Variants in CNTNAP5 observed in about 807,000 individuals in gnomAD.
The protein encoded by CNTNAP5 is contactin associated protein family member 5.
In CNTNAP5, 72 loss-of-function variants were observed where a neutral mutation model predicts 150.2. The ratio of observed to expected loss-of-function variants is 0.48; its 90% CI spans 0.40 to 0.58. CNTNAP5 has a LOEUF of 0.58. Among genes scored for constraint, CNTNAP5 ranks in the 20% least tolerant of loss-of-function variants. The pLI is 0.00. For missense variants in CNTNAP5, 1,636 were observed against 1,626.2 expected, an observed-to-expected ratio of 1.01 and a Z score of -0.10; for synonymous variants, 672 against 619.8, an observed-to-expected ratio of 1.08 and a Z score of -1.25.
At chr2:124,785,896 G>A (rs1369768727) in intron 17 of CNTNAP5, among the ~76,000 whole-genome samples, 30 of 152,164 alleles carry the variant, frequency 2.0e-4, no homozygotes. Context: ...CAGGGATTCA[G>A]GTTAGGGTGA....
intron 13 of CNTNAP5, 78 bp downstream of exon 13, chr2:124,648,036 C>G: frequency 1.5e-6 from 2 of 1,359,958 alleles, no homozygotes; most frequent in South Asian, 2.7e-5. Flanking sequence ...GGAAAATTTG[C>G]CAAGAAGGGG....
chr2:124,362,431 C>T (rs1216719383), intron 3 of CNTNAP5, among the ~76,000 whole-genome samples: 1 of 152,220 alleles, frequency 6.6e-6, no homozygotes, highest in African/African-American at 2.4e-5. Context: ...AATCCTATCT[C>T]ACTGTCTAGC....
chr2:124,566,145 C>G lies in CNTNAP5; in HGVS notation c.1756+2822C>G, dbSNP rs189150771. Among the ~76,000 whole-genome samples, 347 of 152,216 alleles carry G rather than the reference C, an allele frequency of 2.3e-3. 1 individual carries two copies. The highest frequency in any genetic ancestry group is 6.0e-3 in the African/African-American group (249 of 41,538). ...CTATAGAGAAATGTTGCAGGACCCC[C>G]ATAAGGCTGTCCAGATTGTAACGTC... On this transcript the variant is annotated intron_variant, in intron 11 of 23. Coordinates refer to ENST00000682447, the MANE Select transcript of CNTNAP5 (RefSeq NM_001367498.1).
intron 13 of CNTNAP5, among the ~76,000 whole-genome samples, chr2:124,669,292 C>T (rs189449959): frequency 2.0e-5 from 3 of 152,208 alleles, no homozygotes; most frequent in East Asian, 1.9e-4. Context: ...GCTCTACAGC[C>T]GCCAAATCCC....
chr2:124,028,728 G>A (rs1279143805), intron 1 of CNTNAP5, among the ~76,000 whole-genome samples: 13 of 152,054 alleles, frequency 8.5e-5, no homozygotes, highest in Admixed American at 7.2e-4. Flanking sequence ...AGTGAAACTG[G>A]GAGTTAGAAG....
At chr2:124,906,304 C>T (rs1678535950) in intron 22 of CNTNAP5, among the ~76,000 whole-genome samples, 1 of 151,982 alleles carries the variant, frequency 6.6e-6, no homozygotes, top group South Asian at 2.1e-4. Context: ...TCAGATTTTG[C>T]TGCTAATATT....
intron 5 of CNTNAP5, among the ~76,000 whole-genome samples, chr2:124,445,102 T>TC (rs1692780756): frequency 6.7e-6 from 1 of 150,216 alleles, no homozygotes; most frequent in Non-Finnish European, 1.5e-5. Context: ...TTTTTTTTTT[T>TC]AGATGAAGTT....
chr2:124,701,427 T>C (rs1010797683), intron 13 of CNTNAP5, among the ~76,000 whole-genome samples: 4 of 152,172 alleles, frequency 2.6e-5, no homozygotes, highest in Non-Finnish European at 4.4e-5. Context: ...ATGCCTTCAA[T>C]GATGGATGCT....
At chr2:124,879,260 G>T (rs1235734575) in intron 21 of CNTNAP5, among the ~76,000 whole-genome samples, 2 of 152,064 alleles carry the variant, frequency 1.3e-5, no homozygotes, top group Non-Finnish European at 2.9e-5. Flanking sequence ...CCCTGCTACT[G>T]TATTGGCAGA....
At chr2:124,843,976 A>G (rs1682996437) in intron 19 of CNTNAP5, among the ~76,000 whole-genome samples, 1 of 151,946 alleles carries the variant, frequency 6.6e-6, no homozygotes, top group African/African-American at 2.4e-5. Flanking sequence ...TCTGCTGATT[A>G]TTTCTTTTGC....
chr2:124,361,972 G>A (rs538697079), intron 3 of CNTNAP5, among the ~76,000 whole-genome samples: 38 of 152,248 alleles, frequency 2.5e-4, no homozygotes, highest in African/African-American at 8.2e-4. Context: ...CTTCGTGGGC[G>A]TAGGACCCTC....
intron 11 of CNTNAP5, among the ~76,000 whole-genome samples, chr2:124,589,547 T>C (rs2104958445): frequency 6.6e-6 from 1 of 152,314 alleles, no homozygotes; most frequent in Middle Eastern, 3.4e-3. Flanking sequence ...CAAGTGAGAT[T>C]GCTGACTTAA....
chr2:124,845,084 T>TC (rs1683021383), intron 19 of CNTNAP5, among the ~76,000 whole-genome samples: 1 of 152,156 alleles, frequency 6.6e-6, no homozygotes, highest in Admixed American at 6.5e-5. Context: ...TTTCAATTTT[T>TC]CCTCATTCAT....
At chr2:124,736,022 G>C (rs1680375236) in intron 13 of CNTNAP5, among the ~76,000 whole-genome samples, 1 of 152,134 alleles carries the variant, frequency 6.6e-6, no homozygotes, top group Non-Finnish European at 1.5e-5. Context: ...CCTGAGGTCA[G>C]GAGTTCGATA....
At chr2:124,660,906 T>C (rs916643097) in intron 13 of CNTNAP5, among the ~76,000 whole-genome samples, 1 of 141,870 alleles carries the variant, frequency 7.0e-6, no homozygotes. Flanking sequence ...ATTTTGCCAC[T>C]GCACTCCAGT....
intron 1 of CNTNAP5, among the ~76,000 whole-genome samples, chr2:124,174,286 A>G (rs12373679): frequency 0.31 from 47,431 of 152,068 alleles, 8,314 homozygotes; most frequent in Admixed American, 0.39. Flanking sequence ...AAGTCTTATT[A>G]TTTAAAAAAT....
At chr2:124,568,462 A>C (rs1207429333) in intron 11 of CNTNAP5, among the ~76,000 whole-genome samples, 3 of 152,224 alleles carry the variant, frequency 2.0e-5, no homozygotes, top group African/African-American at 7.2e-5. Context: ...TCATTCCTGA[A>C]GGCCAAATGA....
At chr2:124,242,831 A>C (rs1212879897) in intron 3 of CNTNAP5, among the ~76,000 whole-genome samples, 1 of 152,224 alleles carries the variant, frequency 6.6e-6, no homozygotes, top group Non-Finnish European at 1.5e-5. Context: ...AACATTGCCC[A>C]ATGTATGAAT....
chr2:124,059,392 T>C (rs1251757958), intron 1 of CNTNAP5, among the ~76,000 whole-genome samples: 4 of 152,096 alleles, frequency 2.6e-5, no homozygotes, highest in African/African-American at 9.7e-5. Flanking sequence ...AAAAGCTGTG[T>C]TTTTGCTTTT....
Sources: gnomAD v4.1 joint callset for allele counts (sites outside exome capture counted in the v4.1 genomes callset) on GRCh38, gnomAD v4.1.1 for gene constraint, MANE v1.5 for transcripts, NCBI Gene and HGNC (gene_info 2026-07-23, HGNC 2026-07-21) for gene names.